The following NHSL1 variants were observed in gnomAD, a reference collection of about 807,000 sequenced individuals.
NHSL1 encodes the protein NHS-like protein 1.
In NHSL1, 48 loss-of-function variants were observed where a neutral mutation model predicts 95.0. The ratio of observed to expected loss-of-function variants is 0.51; its 90% confidence interval spans 0.40 to 0.64. The LOEUF (loss-of-function observed/expected upper bound fraction) is 0.64. NHSL1 is among the 30% of genes least tolerant of loss of function. The pLI, the probability that NHSL1 is intolerant of heterozygous loss-of-function variation, is 0.00. For missense variants in NHSL1, 1,971 were observed against 2,077.7 expected, an observed-to-expected ratio of 0.95 and a Z score of 1.00; for synonymous variants, 783 against 833.9, an observed-to-expected ratio of 0.94 and a Z score of 1.05.
intron 1 of NHSL1, among the ~76,000 whole-genome samples, chr6:138,626,030 C>T (rs1784733159): frequency 6.6e-6 from 1 of 152,182 alleles, no homozygotes; most frequent in African/African-American, 2.4e-5. Flanking sequence ...GCCTTCAGTC[C>T]AGCTTCTTGT....
In NHSL1 at chr6:138,531,661, G is replaced by A. The variant is rs150677595; in HGVS notation, c.16+13962C>T. Among the ~76,000 whole-genome samples, 19 of 152,080 alleles carry A rather than the reference G, an allele frequency of 1.2e-4. 1 individual carries two copies. Among genetic ancestry groups the A allele is most frequent in the African/African-American group, 4.1e-4 (17 of 41,496 alleles). On this transcript the variant is annotated intron_variant, in intron 1 of 4. Transcript: ENST00000342260. ...ACTACAGGTATGTGCCACCACACCT[G>A]GCTAACTTTTTTGTCTTTTTGTTTT...
At chr6:138,558,235 G>C (rs1366124993) in intron 1 of NHSL1, among the ~76,000 whole-genome samples, 10 of 146,428 alleles carry the variant, frequency 6.8e-5, no homozygotes, top group South Asian at 2.2e-4. Context: ...CAATTCTCCT[G>C]CCTCAGCCTC....
rs1010923322 is a variant in NHSL1 at position 138,569,245 on chromosome 6, A to G, written c.202+2465T>C. 7.5e-5 allele frequency among the ~76,000 whole-genome samples: 11 copies of G among 147,398 alleles called. No homozygotes were observed. The East Asian group carries it at 8.0e-4, about 11-fold the overall frequency. On this transcript the variant is annotated intron_variant, in intron 1 of 6. Coordinates refer to the NHSL1 transcript ENST00000427025. ...GTCACTGCATGATGGTTGTGTGTAT[A>G]TGTGTGTGTGTGTGTGTGTGTGTGT...
At chr6:138,654,947 T>C (rs1451736988) in intron 1 of NHSL1, among the ~76,000 whole-genome samples, 1 of 152,194 alleles carries the variant, frequency 6.6e-6, no homozygotes, top group East Asian at 1.9e-4. Flanking sequence ...AGGTTGACAG[T>C]GTCTGCTCTA....
intron 1 of NHSL1, among the ~76,000 whole-genome samples, chr6:138,528,359 G>A (rs1199380312): frequency 6.6e-6 from 1 of 152,220 alleles, no homozygotes; most frequent in East Asian, 1.9e-4. Context: ...AATCAAGGCA[G>A]ATATGAGTTG....
chr6:138,458,645 G>A (rs952741759), intron 3 of NHSL1, among the ~76,000 whole-genome samples: 1 of 152,100 alleles, frequency 6.6e-6, no homozygotes, highest in South Asian at 2.1e-4. Flanking sequence ...TGGCCACATG[G>A]TGAAACCCAG....
At chr6:138,526,834 TC>T (rs1781925270) in intron 1 of NHSL1, among the ~76,000 whole-genome samples, 1 of 152,212 alleles carries the variant, frequency 6.6e-6, no homozygotes, top group Non-Finnish European at 1.5e-5. Flanking sequence ...TTAAATATCC[TC>T]TTTTCCTTGT....
intron 7 of NHSL1, among the ~76,000 whole-genome samples, chr6:138,429,040 T>G (rs1775449773): frequency 6.6e-6 from 1 of 152,204 alleles, no homozygotes; most frequent in Admixed American, 6.5e-5. Flanking sequence ...CTAAATCATA[T>G]TTACTCTTAA....
At chr6:138,536,602 C>CTTTTTTTTTTTTTT (rs563509738) in intron 1 of NHSL1, among the ~76,000 whole-genome samples, 1 of 80,020 alleles carries the variant, frequency 1.2e-5, no homozygotes. Flanking sequence ...CATATGTCAT[C>CTTTTTTTTTTTTTT]TTTTTTTTTT....
chr6:138,520,614 A>G (rs1781639709), intron 1 of NHSL1, among the ~76,000 whole-genome samples: 1 of 152,174 alleles, frequency 6.6e-6, no homozygotes, highest in Non-Finnish European at 1.5e-5. Context: ...ACACTTGTAT[A>G]TAACCTTGAC....
chr6:138,645,971 A>G (rs1487825046), intron 1 of NHSL1, among the ~76,000 whole-genome samples: 1 of 152,208 alleles, frequency 6.6e-6, no homozygotes, highest in Non-Finnish European at 1.5e-5. Flanking sequence ...ATAATCAGCA[A>G]AAAGATAAAC....
chr6:138,619,565 A>G lies in NHSL1; in HGVS notation c.96+72911T>C, dbSNP rs573807342. ...AGAACCTGCTAAAGATACCCACAAT[A>G]TATGTTTAAGTGGAAAACCAAGTTT... is the stretch of plus-strand genomic sequence containing the variant. On this transcript the variant is annotated intron_variant, in intron 1 of 3. Transcript: ENST00000491526. Among the ~76,000 whole-genome samples, 8 of 152,276 alleles carry G rather than the reference A, an allele frequency of 5.3e-5. No individual in the cohort carries two copies. In the East Asian group the frequency reaches 1.3e-3, roughly 26 times the overall value.
intron 4 of NHSL1, among the ~76,000 whole-genome samples, chr6:138,443,132 CT>C (rs1335899451): frequency 6.6e-6 from 1 of 151,856 alleles, no homozygotes. Flanking sequence ...AAAACATTCA[CT>C]TTTAGCATTA....
chr6:138,422,899 T>C lies in NHSL1; in HGVS notation c.*1182A>G, dbSNP rs1228977640. ...TTTGACTAACAAGAGCTATTCAGCA[T>C]TTTCTTCAAAGTAAGATAATATATA... On this transcript the variant is annotated 3_prime_UTR_variant, in exon 8 of 8. Transcript: ENST00000343505. The C allele has an allele frequency of 2.6e-5, 4 of 152,134 alleles. No homozygotes were observed. The highest frequency in any genetic ancestry group is 2.6e-4 in the Admixed American group (4 of 15,276). 9.4% of individuals were successfully genotyped at this position (152,134 alleles called of 1,614,324 possible). A position where few individuals can be genotyped will look rare whatever the true frequency, so the allele number is the denominator to read the frequency against.
Position 138,442,086 on chromosome 6 carries a change from A to T in NHSL1, c.561T>A (p.Leu187=), listed in dbSNP as rs886308765. 1 of 1,550,610 alleles carries T rather than the reference A, an allele frequency of 6.4e-7. No homozygotes were observed. The highest frequency in any genetic ancestry group is 1.4e-5 in the African/African-American group (1 of 72,982). The change falls in exon 5 of 8, where the codon CTT becomes CTA. Residue 187 remains leucine (L), a synonymous_variant. Coordinates refer to ENST00000343505, the MANE Select transcript of NHSL1 (RefSeq NM_001144060.2). ...TGTCTGTGTAAATTAGAGACCGCCG[A>T]AGGCTGGCCTGGCGATCGAAATTCT... ...TGENFDRQAS[L]RRSLIYTDTL...
intron 1 of NHSL1, among the ~76,000 whole-genome samples, chr6:138,578,904 C>G (rs1784011231): frequency 6.6e-6 from 1 of 152,164 alleles, no homozygotes; most frequent in Admixed American, 6.5e-5. Context: ...ATCTTCCTGT[C>G]CCTTACAGCA....
chr6:138,544,768 T>A (rs764024032), intron 1 of NHSL1, among the ~76,000 whole-genome samples: 1 of 151,956 alleles, frequency 6.6e-6, no homozygotes, highest in African/African-American at 2.4e-5. Flanking sequence ...AACAATCACA[T>A]AGACAAACAC....
chr6:138,666,934 A>C (rs1785303176), intron 1 of NHSL1, among the ~76,000 whole-genome samples: 1 of 152,202 alleles, frequency 6.6e-6, no homozygotes, highest in African/African-American at 2.4e-5. Flanking sequence ...CACGGATTCC[A>C]GATTCAATTT....
At chr6:138,627,577 T>C (rs1784758742) in intron 1 of NHSL1, among the ~76,000 whole-genome samples, 1 of 152,196 alleles carries the variant, frequency 6.6e-6, no homozygotes, top group South Asian at 2.1e-4. Context: ...ATCAGTAGTA[T>C]ACCAGATATA....
Sources: allele counts gnomAD v4.1 joint callset (sites outside exome capture counted in the v4.1 genomes callset), GRCh38; gene constraint gnomAD v4.1.1; transcripts MANE v1.5; gene names NCBI Gene and HGNC (gene_info 2026-07-23, HGNC 2026-07-21).